Variants in HRH1 observed in about 807,000 individuals in gnomAD.
HRH1 encodes the protein histamine receptor H1.
In HRH1, 6 loss-of-function variants were observed where a neutral mutation model predicts 10.3. The ratio of observed to expected loss-of-function variants is 0.58; its 90% CI spans 0.32 to 1.15. The LOEUF is 1.15. Among genes scored for constraint, HRH1 ranks in the 50% most tolerant of loss-of-function variants. HRH1 has a pLI of 0.05. For missense variants in HRH1, 514 were observed against 615.3 expected (o/e 0.84, Z 1.74); for synonymous variants, 242 against 236.7 (o/e 1.02, Z -0.21).
chr3:11,253,553 C>T (rs1482298651), intron 1 of HRH1, among the ~76,000 whole-genome samples: 1 of 152,026 alleles, frequency 6.6e-6, no homozygotes, highest in East Asian at 1.9e-4. Context: ...TCTGTCGGTC[C>T]CTCATCTTTT....
In HRH1 at chr3:11,242,385, G is replaced by A. The variant is rs534348779; in HGVS notation, c.-35-16618G>A. Among the ~76,000 whole-genome samples the A allele has an allele frequency of 2.0e-5, 3 of 148,554 alleles. No individual in the cohort carries two copies. The East Asian group carries it at 6.1e-4, about 30-fold the overall frequency. ...ACTCCCAGATATTCGGGGAGGCTGT[G>A]TCAGGAGAATGGTGTGAACCTGGAA... is the stretch of plus-strand genomic sequence containing the variant. On this transcript the variant is annotated intron_variant, in intron 1 of 1. Coordinates refer to ENST00000431010, the MANE Select transcript of HRH1 (RefSeq NM_001098212.2).
intron 1 of HRH1, among the ~76,000 whole-genome samples, chr3:11,144,792 A>G (rs527868226): frequency 1.3e-5 from 2 of 151,904 alleles, no homozygotes; most frequent in Admixed American, 1.3e-4. Flanking sequence ...AATTGCTTGA[A>G]CCCAGGAGGC....
chr3:11,247,986 C>G lies in HRH1; in HGVS notation c.-35-11017C>G, dbSNP rs546195398. Among the ~76,000 whole-genome samples the G allele has an allele frequency of 1.1e-4, 17 of 152,266 alleles. No homozygotes were observed. The South Asian group carries it at 3.3e-3, about 30-fold the overall frequency. On this transcript the variant is annotated intron_variant, in intron 1 of 1. Coordinates refer to ENST00000431010, the MANE Select transcript of HRH1 (RefSeq NM_001098212.2). ...CTTTCCATTTCCCGAACCATTTCTC[C>G]ATGAGGGTTGTAAAGGGGTCATCTA...
chr3:11,199,353 G>A (rs181887959), intron 1 of HRH1, among the ~76,000 whole-genome samples: 12 of 152,216 alleles, frequency 7.9e-5, no homozygotes, highest in Admixed American at 4.6e-4. Context: ...TGCCAGTCCC[G>A]GGAGCTGCCT....
chr3:11,233,521 C>G (rs1165754259), intron 1 of HRH1, among the ~76,000 whole-genome samples: 1 of 152,120 alleles, frequency 6.6e-6, no homozygotes, highest in Non-Finnish European at 1.5e-5. Context: ...AGGTCCCCAC[C>G]TCTCAAGAAC....
chr3:11,158,315 T>C (rs907225643), intron 1 of HRH1, among the ~76,000 whole-genome samples: 1 of 152,252 alleles, frequency 6.6e-6, no homozygotes, highest in African/African-American at 2.4e-5. Flanking sequence ...CCTGTATTTA[T>C]ACAGCACTCT....
chr3:11,144,484 C>CATATAGACATATAG (rs1574968646), intron 1 of HRH1, among the ~76,000 whole-genome samples: 17 of 21,072 alleles, frequency 8.1e-4, no homozygotes, highest in South Asian at 2.0e-3. Flanking sequence ...CATATATATA[C>CATATAGACATATAG]ACACACACAC....
chr3:11,243,792 G>A (rs767452794), intron 1 of HRH1, among the ~76,000 whole-genome samples: 3 of 152,172 alleles, frequency 2.0e-5, no homozygotes, highest in Non-Finnish European at 1.5e-5. Flanking sequence ...TCTGACGTCC[G>A]CATTTTGCCT....
chr3:11,246,027 CAT>C (rs962283601), intron 1 of HRH1, among the ~76,000 whole-genome samples: 6 of 151,796 alleles, frequency 4.0e-5, no homozygotes, highest in Admixed American at 6.6e-5. Context: ...CACTCACACT[CAT>C]ACACACACTC....
chr3:11,169,912 G>A (rs550044067), intron 1 of HRH1, among the ~76,000 whole-genome samples: 3 of 152,058 alleles, frequency 2.0e-5, no homozygotes, highest in Non-Finnish European at 4.4e-5. Flanking sequence ...AGGGTCCCAT[G>A]CCCCTTCTCC....
intron 1 of HRH1, among the ~76,000 whole-genome samples, chr3:11,222,102 C>T (rs1203562916): frequency 1.3e-5 from 2 of 152,096 alleles, no homozygotes; most frequent in Non-Finnish European, 2.9e-5. Flanking sequence ...TCCTTTATTC[C>T]AGTGATGGTG....
intron 1 of HRH1, among the ~76,000 whole-genome samples, chr3:11,155,564 A>C (rs980691514): frequency 2.6e-5 from 4 of 152,086 alleles, no homozygotes; most frequent in Admixed American, 1.3e-4. Flanking sequence ...CTGATAGTGC[A>C]GAGATGTTCC....
intron 1 of HRH1, among the ~76,000 whole-genome samples, chr3:11,190,811 A>G (rs1205867803): frequency 6.6e-6 from 1 of 152,088 alleles, no homozygotes; most frequent in African/African-American, 2.4e-5. Context: ...GCTCACGTTG[A>G]GCAGCCAGTC....
intron 1 of HRH1, among the ~76,000 whole-genome samples, chr3:11,212,530 T>C (rs1938362026): frequency 6.6e-6 from 1 of 152,196 alleles, no homozygotes; most frequent in Non-Finnish European, 1.5e-5. Context: ...CACAGTCCTG[T>C]GCTGTGGGAG....
intron 1 of HRH1, among the ~76,000 whole-genome samples, chr3:11,255,007 A>G (rs955674820): frequency 5.9e-5 from 9 of 152,214 alleles, no homozygotes; most frequent in African/African-American, 2.2e-4. Flanking sequence ...AAGAGGAACT[A>G]TCCGTTACTA....
rs558952658 is a variant in HRH1 at position 11,260,519 on chromosome 3, T to A, written c.*18T>A. The A allele has an allele frequency of 6.4e-7, 1 of 1,550,896 alleles. No homozygotes were observed. Among genetic ancestry groups the A allele is most frequent in the South Asian group, 1.2e-5 (1 of 80,002 alleles). On this transcript the variant is annotated 3_prime_UTR_variant, in exon 2 of 2. Coordinates refer to ENST00000431010, the MANE Select transcript of HRH1 (RefSeq NM_001098212.2). ...GCTCCTAAGGGAGGCTCTGAGGGGA[T>A]GCAACAAAATGATCCTTATGATGTC...
chr3:11,167,443 T>C (rs1379157315), intron 1 of HRH1, among the ~76,000 whole-genome samples: 4 of 92,510 alleles, frequency 4.3e-5, no homozygotes, highest in Admixed American at 4.3e-4. Flanking sequence ...TGACATCTGC[T>C]GTCCCCTGGC....
upstream of HRH1, among the ~76,000 whole-genome samples, chr3:11,150,871 T>C (rs1231592211): frequency 6.6e-6 from 1 of 152,194 alleles, no homozygotes; most frequent in Admixed American, 6.5e-5. Context: ...TTACCGAGCA[T>C]CTACCAGAGC....
chr3:11,200,354 A>G (rs1437815842), intron 1 of HRH1, among the ~76,000 whole-genome samples: 1 of 152,208 alleles, frequency 6.6e-6, no homozygotes, highest in Non-Finnish European at 1.5e-5. Context: ...CTCACAGCCT[A>G]GATCATCCTA....
Sources: allele counts gnomAD v4.1 joint callset (sites outside exome capture counted in the v4.1 genomes callset), GRCh38; gene constraint gnomAD v4.1.1; transcripts MANE v1.5; gene names NCBI Gene and HGNC (gene_info 2026-07-23, HGNC 2026-07-21).